The following DTHD1 variants were observed in gnomAD, a reference collection of about 807,000 sequenced individuals.
The protein encoded by DTHD1 is death domain-containing protein 1.
A neutral mutation model predicts 74.8 loss-of-function variants in DTHD1; 59 were observed. The observed-to-expected ratio is 0.79, with a 90% CI of 0.64 to 0.98. The LOEUF (loss-of-function observed/expected upper bound fraction) is 0.98. Among genes scored for constraint, DTHD1 ranks in the 50% least tolerant of loss-of-function variants. The pLI is 0.00. For synonymous variants in DTHD1, 365 were observed against 371.1 expected (o/e 0.98, Z 0.19); for missense variants, 1,051 against 1,065.4 (o/e 0.99, Z 0.19).
In DTHD1 at chr4:36,294,802, C is replaced by T; in HGVS notation, c.1406C>T (p.Pro469Leu). 6.5e-7 allele frequency: 1 copy of T among 1,540,282 alleles called. No homozygotes were observed. Among genetic ancestry groups the T allele is most frequent in the Non-Finnish European group, 8.8e-7 (1 of 1,141,776 alleles). The change falls in exon 5 of 10, where the codon CCA (proline) becomes CTA (leucine). Residue 469 changes from proline to leucine, a missense_variant. Physicochemically the swap from Pro to Leu is moderately conservative, Grantham distance 98. Transcript: ENST00000639862. ...SPVLVQLKIQ[P>L]VDPALVAHLK... ...AATATATTTTTTGTTTAGATCCAAC[C>T]AGTTGACCCAGCTCTGGTGGCACAT...
intron 5 of DTHD1, among the ~76,000 whole-genome samples, chr4:36,299,850 A>G (rs1484070006): frequency 1.3e-5 from 2 of 151,974 alleles, no homozygotes; most frequent in Non-Finnish European, 2.9e-5. Context: ...TTTATTTCTT[A>G]AAGTTATATT....
intron 5 of DTHD1, among the ~76,000 whole-genome samples, chr4:36,296,546 G>C (rs1157229123): frequency 6.6e-6 from 1 of 152,030 alleles, no homozygotes; most frequent in East Asian, 1.9e-4. Context: ...GCGAGTGTAA[G>C]CAAGATAATA....
intron 3 of DTHD1, among the ~76,000 whole-genome samples, chr4:36,290,931 T>C (rs1756039779): frequency 6.6e-6 from 1 of 152,214 alleles, no homozygotes; most frequent in Admixed American, 6.5e-5. Context: ...ACCTACCAAA[T>C]GTTATTTTTT....
At chr4:36,301,435 C>T (rs894442473) in intron 5 of DTHD1, among the ~76,000 whole-genome samples, 14 of 151,664 alleles carry the variant, frequency 9.2e-5, no homozygotes, top group South Asian at 2.1e-4. Flanking sequence ...TGTCGACAGC[C>T]GTGATTTCTG....
intron 5 of DTHD1, among the ~76,000 whole-genome samples, chr4:36,297,301 T>C (rs1756488309): frequency 6.6e-6 from 1 of 152,218 alleles, no homozygotes; most frequent in African/African-American, 2.4e-5. Flanking sequence ...ATACTTATTT[T>C]ATGGTCTTTT....
Position 36,281,775 on chromosome 4 carries a change from T to C in DTHD1, c.17T>C (p.Met6Thr), listed in dbSNP as rs1755412232. Residue 6 changes from methionine (M) to threonine (T), a missense_variant, in exon 1 of 10, where the codon ATG (methionine) becomes ACG (threonine). Transcript: ENST00000639862. ...GATCATAAAATGGATATGGAATACA[T>C]GGGCTCAGGTAAACTGGGCCAAATA... MDMEY[M>T]GSGKLGQILK... 2 of 1,238,066 alleles carry C rather than the reference T, an allele frequency of 1.6e-6. No homozygotes were observed. Among genetic ancestry groups the C allele is most frequent in the South Asian group, 4.0e-5 (1 of 24,944 alleles). The allele number at this position is 1,238,066 out of a possible 1,614,324, so 76.7% of individuals were successfully genotyped here.
At chr4:36,303,296 A>G (rs962071450) in intron 5 of DTHD1, among the ~76,000 whole-genome samples, 8 of 152,218 alleles carry the variant, frequency 5.3e-5, no homozygotes, top group African/African-American at 1.7e-4. Context: ...CAAGTATACT[A>G]TCAGATTATT....
At position 36,308,449 on chromosome 4, in the gene DTHD1, GAGAAC is replaced by G. The variant is rs1163398767; in HGVS notation, c.2053_2057del (p.Glu685ThrfsTer33). 6.4e-7 allele frequency: 1 copy of G among 1,551,660 alleles called. No homozygotes were observed. The highest frequency in any genetic ancestry group is 2.0e-5 in the Admixed American group (1 of 50,990). On this transcript the variant is annotated frameshift_variant, in exon 7 of 10. Coordinates refer to ENST00000639862, the MANE Select transcript of DTHD1 (RefSeq NM_001170700.3). LOFTEE classifies it high-confidence loss of function. ...TCTCGTCATTTCCAAGTTCGAGAAG[GAGAAC>G]AACTTCTTTTAAGATTTACTGGAAA...
chr4:36,288,344 C>T (rs1325591612), intron 2 of DTHD1, among the ~76,000 whole-genome samples: 2 of 152,170 alleles, frequency 1.3e-5, no homozygotes, highest in Non-Finnish European at 1.5e-5. Flanking sequence ...GTGATCCTTC[C>T]GCTTCGGTCT....
intron 9 of DTHD1, among the ~76,000 whole-genome samples, chr4:36,343,006 G>A (rs1222459551): frequency 2.0e-5 from 3 of 150,794 alleles, no homozygotes; most frequent in East Asian, 1.9e-4. Context: ...GACTAGAATC[G>A]CTTGAACCCA....
rs1759612584 is a variant in DTHD1 at position 36,346,849 on chromosome 4, T to C, written c.*3025T>C. Among the ~76,000 whole-genome samples the C allele has an allele frequency of 6.6e-6, 1 of 152,102 alleles. No individual in the cohort carries two copies. Among genetic ancestry groups the C allele is most frequent in the South Asian group, 2.1e-4 (1 of 4,828 alleles). ...ACCTCTAGCCAACTCTCTCCTGTGC[T>C]TTGGTAACTGGTCTTCTTCTTGTCT... On this transcript the variant is annotated 3_prime_UTR_variant, in exon 10 of 10. Transcript: ENST00000639862.
intron 7 of DTHD1, among the ~76,000 whole-genome samples, 198 bp from the exon 8 acceptor site, chr4:36,316,044 T>A (rs1757699147): frequency 6.6e-6 from 1 of 152,174 alleles, no homozygotes; most frequent in Non-Finnish European, 1.5e-5. Context: ...CACGCCATTC[T>A]CCTGTCTCAG....
chr4:36,318,673 G>A (rs1167540660), intron 8 of DTHD1, among the ~76,000 whole-genome samples: 3 of 134,866 alleles, frequency 2.2e-5, no homozygotes. Context: ...GGAGTGCAGT[G>A]GCGCGATCTC....
At chr4:36,297,291 A>G (rs565040677) in intron 5 of DTHD1, among the ~76,000 whole-genome samples, 2 of 152,284 alleles carry the variant, frequency 1.3e-5, no homozygotes, top group East Asian at 3.9e-4. Flanking sequence ...TTATTTAAGC[A>G]TACTTATTTT....
chr4:36,305,835 T>C (rs1473883895), intron 5 of DTHD1, among the ~76,000 whole-genome samples: 3 of 152,202 alleles, frequency 2.0e-5, no homozygotes, highest in Non-Finnish European at 2.9e-5. Context: ...CTTAAATCTA[T>C]TTTGCCAGTT....
At chr4:36,307,568 ATG>A (rs1466013887) in intron 6 of DTHD1, among the ~76,000 whole-genome samples, 4 of 152,162 alleles carry the variant, frequency 2.6e-5, no homozygotes, top group Admixed American at 6.5e-5. Context: ...ATGAATGTGT[ATG>A]TGTGTGGGGA....
intron 7 of DTHD1, among the ~76,000 whole-genome samples, chr4:36,313,551 A>C (rs988941815): frequency 1.3e-5 from 2 of 152,194 alleles, no homozygotes; most frequent in African/African-American, 4.8e-5. Context: ...CCAACTTTCC[A>C]AAATTACATA....
intron 5 of DTHD1, among the ~76,000 whole-genome samples, chr4:36,302,616 C>T (rs183957022): frequency 1.3e-5 from 2 of 152,094 alleles, no homozygotes; most frequent in Admixed American, 1.3e-4. Context: ...AATATTTCAC[C>T]ACTTTAAAGA....
rs1288449967 is a variant in DTHD1 at position 36,343,685 on chromosome 4, C to T, written c.2582C>T (p.Thr861Ile). ...TGCTTCTGGAAAAAATCGCTTCCAA[C>T]TTTCACCGACAAACTTCGCCTCCTG... ...FLCFWKKSLP[T>I]FTDKLRLLAR... is the part of the protein sequence containing the mutation. The change falls in exon 10 of 10, where the codon ACT becomes ATT. Residue 861 changes from threonine (T) to isoleucine (I), a missense_variant. Transcript: ENST00000639862. The T allele has an allele frequency of 6.4e-7, 1 of 1,551,760 alleles. No homozygotes were observed. Among genetic ancestry groups the T allele is most frequent in the Non-Finnish European group, 8.7e-7 (1 of 1,146,960 alleles).
Sources: allele counts gnomAD v4.1 joint callset (sites outside exome capture counted in the v4.1 genomes callset), GRCh38; gene constraint gnomAD v4.1.1; transcripts MANE v1.5; gene names NCBI Gene and HGNC (gene_info 2026-07-23, HGNC 2026-07-21).